The following NAV3 variants were observed in gnomAD, a reference collection of about 807,000 sequenced individuals.
NAV3 encodes the protein neuron navigator 3, also known as pore membrane and/or filament interacting like protein 1.
Under a neutral mutation model 244.7 loss-of-function variants are expected in NAV3, and 87 were observed. That is an observed-to-expected ratio of 0.36 (90% CI 0.30 to 0.42). The LOEUF is 0.42. Ranked by LOEUF, NAV3 falls within the 20% of genes least tolerant of loss-of-function variation. NAV3 has a pLI of 1.00. For synonymous variants in NAV3, 1,126 were observed against 1,042.2 expected (o/e 1.08, Z -1.55); for missense variants, 2,663 against 2,893.3 (o/e 0.92, Z 1.83).
At position 77,968,706 on chromosome 12, in the gene NAV3, AG is replaced by A. The variant is rs1565971202; in HGVS notation, c.671+6del. The A allele has an allele frequency of 6.2e-7, 1 of 1,609,882 alleles. No homozygotes were observed. Among genetic ancestry groups the A allele is most frequent in the African/African-American group, 1.3e-5 (1 of 74,924 alleles). ...CCCAGCAAGATATGCAGTCCAGGTA[AG>A]GAAAGGAAGTAGGGAATGTGTTTCC... On this transcript the variant is annotated splice_donor_5th_base_variant and intron_variant, in intron 5 of 39. Coordinates refer to ENST00000397909, the MANE Select transcript of NAV3 (RefSeq NM_001024383.2).
chr12:77,681,029 C>T (rs75144106), intron 2 of NAV3, among the ~76,000 whole-genome samples: 13,536 of 152,170 alleles, frequency 0.089, 864 homozygotes, highest in Non-Finnish European at 0.14. Flanking sequence ...GGGATCTTAT[C>T]TTTAACTTTT....
At position 78,116,888 on chromosome 12, in the gene NAV3, C is replaced by T. The variant is rs763162312; in HGVS notation, c.2753C>T (p.Ser918Phe). 5 of 1,612,098 alleles carry T rather than the reference C, an allele frequency of 3.1e-6. 1 individual carries two copies. The South Asian group carries it at 5.5e-5, about 18-fold the overall frequency. Residue 918 changes from serine (S) to phenylalanine (F), a missense_variant, in exon 13 of 40, where the codon TCT (serine) becomes TTT (phenylalanine). Ser to Phe is a radical substitution (Grantham distance 155, BLOSUM62 -2). Coordinates refer to ENST00000397909, the MANE Select transcript of NAV3 (RefSeq NM_001024383.2). ...VSSYSNITVP[S>F]RKNTQLRTDS... ...TCTTACTCCAACATCACCGTCCCCT[C>T]TAGGAAGAATACTCAGGTGAGAATT...
At chr12:77,668,519 CA>C (rs2137065440) in intron 2 of NAV3, among the ~76,000 whole-genome samples, 1 of 152,032 alleles carries the variant, frequency 6.6e-6, no homozygotes, top group South Asian at 2.1e-4. Flanking sequence ...TAGAATTGAA[CA>C]ACAAGAAGAA....
intron 5 of NAV3, among the ~76,000 whole-genome samples, chr12:77,983,449 G>A (rs1221812938): frequency 2.0e-5 from 3 of 152,064 alleles, no homozygotes; most frequent in Non-Finnish European, 4.4e-5. Flanking sequence ...TATGATAGTG[G>A]AAACAGATGG....
intron 2 of NAV3, among the ~76,000 whole-genome samples, chr12:77,792,035 A>G (rs891641096): frequency 1.3e-5 from 2 of 152,196 alleles, no homozygotes; most frequent in Non-Finnish European, 2.9e-5. Flanking sequence ...TTCTATTCTA[A>G]AAGCCTGTTA....
chr12:78,090,954 C>CTGTGTGTGTG (rs10581059), intron 12 of NAV3, among the ~76,000 whole-genome samples: 16 of 142,556 alleles, frequency 1.1e-4, no homozygotes, highest in South Asian at 2.3e-4. Context: ...GTGCTGTATT[C>CTGTGTGTGTG]TGTGTGTGTG....
At chr12:77,647,114 G>A (rs1284785255) in intron 2 of NAV3, among the ~76,000 whole-genome samples, 1 of 151,470 alleles carries the variant, frequency 6.6e-6, no homozygotes, top group Admixed American at 6.6e-5. Flanking sequence ...GAGATTTGTC[G>A]ATGTGTACAA....
chr12:77,703,860 G>T (rs924096297), intron 2 of NAV3, among the ~76,000 whole-genome samples: 1 of 152,200 alleles, frequency 6.6e-6, no homozygotes, highest in African/African-American at 2.4e-5. Flanking sequence ...ACTTAAGTTA[G>T]TTAAAATGCT....
intron 30 of NAV3, among the ~76,000 whole-genome samples, chr12:78,183,610 A>G (rs1958590286): frequency 6.6e-6 from 1 of 151,944 alleles, no homozygotes; most frequent in Admixed American, 6.6e-5. Context: ...TAGCCACATA[A>G]TAAAAGCAAA....
Position 78,170,043 on chromosome 12 carries a change from C to A in NAV3, c.4981+1177C>A, listed in dbSNP as rs139804018. On this transcript the variant is annotated intron_variant, in intron 24 of 39. Transcript: ENST00000397909. ...CTATTTAAAATATATAGAAAATCAT[C>A]TCATACTCTAGCTGTAATTTTTATT... is the stretch of plus-strand genomic sequence containing the variant. 3.9e-4 allele frequency among the ~76,000 whole-genome samples: 59 copies of A among 151,776 alleles called. No individual in the cohort carries two copies. In the East Asian group the frequency reaches 9.1e-3, roughly 23 times the overall value.
intron 3 of NAV3, 22 bp downstream of exon 3, chr12:77,941,155 A>C: frequency 1.4e-6 from 2 of 1,381,594 alleles, no homozygotes; most frequent in Non-Finnish European, 2.0e-6. Flanking sequence ...ATTTATTCTC[A>C]ATATATAATG....
chr12:78,195,868 A>C (rs1323879088), intron 34 of NAV3, among the ~76,000 whole-genome samples: 1 of 151,682 alleles, frequency 6.6e-6, no homozygotes, highest in Non-Finnish European at 1.5e-5. Flanking sequence ...TAATGTGACA[A>C]CTCTTAGAGC....
chr12:78,002,219 A>G (rs1873432232), intron 7 of NAV3, among the ~76,000 whole-genome samples: 1 of 152,236 alleles, frequency 6.6e-6, no homozygotes, highest in Non-Finnish European at 1.5e-5. Context: ...ATTATGATCT[A>G]TAAACATGCA....
chr12:77,708,379 A>T (rs1875938389), intron 2 of NAV3, among the ~76,000 whole-genome samples: 1 of 151,968 alleles, frequency 6.6e-6, no homozygotes, highest in Non-Finnish European at 1.5e-5. Context: ...GATGTGTGGT[A>T]TTATTTCTGA....
intron 2 of NAV3, among the ~76,000 whole-genome samples, chr12:77,772,252 A>C (rs1419230677): frequency 6.6e-6 from 1 of 152,200 alleles, no homozygotes; most frequent in African/African-American, 2.4e-5. Flanking sequence ...CTGTCAAGGC[A>C]TATCAAGAAC....
In NAV3 at chr12:78,001,117, G is replaced by A. The variant is rs200532862; in HGVS notation, c.880+2641G>A. 1.3e-4 allele frequency among the ~76,000 whole-genome samples: 20 copies of A among 152,208 alleles called. No individual in the cohort carries two copies. The East Asian group carries it at 3.1e-3, about 24-fold the overall frequency. On this transcript the variant is annotated intron_variant, in intron 7 of 39. Transcript: ENST00000397909. ...AAAATATACAAATCCATCTGGTGAT[G>A]AGTTGACCTCTATCACAACTAGTTT...
chr12:78,054,307 A>G (rs1883175549), intron 11 of NAV3, among the ~76,000 whole-genome samples: 1 of 152,216 alleles, frequency 6.6e-6, no homozygotes, highest in Admixed American at 6.5e-5. Flanking sequence ...GATGATATTG[A>G]TGATTTTTCT....
Position 77,998,418 on chromosome 12 carries a change from G to C in NAV3, c.822G>C (p.Gln274His). ...QGASNLNRRS[Q>H]SFNSIDKNKP... ...CCTCTAATTTAAATAGGAGAAGTCA[G>C]AGCTTTAACAGCATTGACAAAAACA... The change falls in exon 7 of 40, where the codon CAG becomes CAC. Residue 274 changes from glutamine to histidine, a missense_variant. Gln to His is a conservative substitution (Grantham distance 24). Around this residue, in one of 6 missense-constraint regions of NAV3, gnomAD observed 1,521 missense variants for 1,497.0 expected, o/e 1.02. Transcript: ENST00000397909. 2 of 1,612,126 alleles carry C rather than the reference G, an allele frequency of 1.2e-6. No homozygotes were observed. Among genetic ancestry groups the C allele is most frequent in the Non-Finnish European group, 1.7e-6 (2 of 1,179,010 alleles).
At chr12:78,015,742 C>T (rs1352346667) in intron 8 of NAV3, among the ~76,000 whole-genome samples, 3 of 151,906 alleles carry the variant, frequency 2.0e-5, no homozygotes, top group Non-Finnish European at 2.9e-5. Context: ...CTACTTTGAC[C>T]CACAAGTTTT....
Sources: allele counts gnomAD v4.1 joint callset (sites outside exome capture counted in the v4.1 genomes callset), GRCh38; gene constraint gnomAD v4.1.1; regional missense constraint gnomAD v4.1.1; transcripts MANE v1.5; gene names NCBI Gene and HGNC (gene_info 2026-07-23, HGNC 2026-07-21).